The following PTPRD variants were observed in gnomAD, a reference collection of about 807,000 sequenced individuals.
PTPRD encodes the protein protein tyrosine phosphatase receptor type D, also known as receptor-type tyrosine-protein phosphatase delta.
In PTPRD, 34 loss-of-function variants were observed where a neutral mutation model predicts 214.5. The ratio of observed to expected loss-of-function variants is 0.16; its 90% CI spans 0.12 to 0.21. The LOEUF (loss-of-function observed/expected upper bound fraction) is 0.21, where lower values mean the gene tolerates loss of function less well. Ranked by LOEUF, PTPRD falls within the 10% of genes least tolerant of loss-of-function variation. The pLI is 1.00. For synonymous variants in PTPRD, 1,128 were observed against 845.7 expected (o/e 1.33, Z -5.79); for missense variants, 2,545 against 2,398.7 (o/e 1.06, Z -1.27).
chr9:8,403,418 A>C (rs749565344), intron 36 of PTPRD, among the ~76,000 whole-genome samples: 1 of 152,236 alleles, frequency 6.6e-6, no homozygotes, highest in Admixed American at 6.5e-5. Context: ...TGAACATGGC[A>C]TGTGCCAAGG....
chr9:9,514,943 G>A (rs1273641433), intron 8 of PTPRD, among the ~76,000 whole-genome samples: 2 of 152,064 alleles, frequency 1.3e-5, no homozygotes, highest in African/African-American at 4.8e-5. Flanking sequence ...CTAATCAGGG[G>A]CTGATTTGAG....
At chr9:9,858,944 C>T (rs186875879) in intron 5 of PTPRD, among the ~76,000 whole-genome samples, 10 of 152,246 alleles carry the variant, frequency 6.6e-5, no homozygotes, top group Non-Finnish European at 1.2e-4. Context: ...CATACTGATA[C>T]GGTTTGGCTC....
chr9:9,824,909 C>G (rs73641376), intron 5 of PTPRD, among the ~76,000 whole-genome samples: 6,212 of 152,002 alleles, frequency 0.041, 411 homozygotes, highest in African/African-American at 0.14. Context: ...TGAATTAAGA[C>G]AAAGCATATA....
At chr9:10,291,554 G>A (rs796633309) in intron 3 of PTPRD, among the ~76,000 whole-genome samples, 34 of 152,098 alleles carry the variant, frequency 2.2e-4, no homozygotes, top group African/African-American at 7.9e-4. Flanking sequence ...GATAGAAGCA[G>A]AGAGAGAGAC....
chr9:8,497,329 T>TTA lies in PTPRD; in HGVS notation c.2323-63_2323-62dup. 4.2e-6 allele frequency: 6 copies of TTA among 1,412,896 alleles called. No individual in the cohort carries two copies. The South Asian group carries it at 7.9e-5, about 19-fold the overall frequency. 87.5% of individuals were successfully genotyped at this position (1,412,896 alleles called of 1,614,324 possible). On this transcript the variant is annotated intron_variant, in intron 25 of 45. Transcript: ENST00000381196. ...ATAAAAAGAAAAAGAATTTAAAGCC[T>TTA]TATACAGGCAGTGTTGCCCTTGTTA...
chr9:8,655,886 T>C (rs2096899952), intron 12 of PTPRD, among the ~76,000 whole-genome samples: 1 of 152,166 alleles, frequency 6.6e-6, no homozygotes, highest in African/African-American at 2.4e-5. Context: ...AAACGTGCAG[T>C]TGCAATCAGG....
rs184505410 is a variant in PTPRD, at chr9:10,175,986, T to G, written c.-544-142196A>C. ...AGTAGAGTAACAATAGACATAAAACTAAACTGCAAATGGCTTGTTATTGTT... is the reference window on the plus strand; with the variant it reads ...AGTAGAGTAACAATAGACATAAAACGAAACTGCAAATGGCTTGTTATTGTT... On this transcript the variant is annotated intron_variant, in intron 3 of 45. Coordinates refer to ENST00000381196, the MANE Select transcript of PTPRD (RefSeq NM_002839.4). Among the ~76,000 whole-genome samples, 674 of 152,126 alleles carry G rather than the reference T, an allele frequency of 4.4e-3. 13 individuals carry two copies. Among genetic ancestry groups the G allele is most frequent in the African/African-American group, 0.015 (637 of 41,562 alleles).
chr9:9,884,530 G>T (rs2070061618), intron 5 of PTPRD, among the ~76,000 whole-genome samples: 1 of 152,046 alleles, frequency 6.6e-6, no homozygotes, highest in South Asian at 2.1e-4. Flanking sequence ...CAAAAGCTCT[G>T]GGAATAGATG....
chr9:10,273,293 A>G (rs1427902098), intron 3 of PTPRD, among the ~76,000 whole-genome samples: 1 of 152,118 alleles, frequency 6.6e-6, no homozygotes, highest in Non-Finnish European at 1.5e-5. Context: ...TTGCCACACC[A>G]TGGGGTACAT....
At chr9:10,041,486 T>C (rs1304210631) in intron 3 of PTPRD, among the ~76,000 whole-genome samples, 1 of 151,806 alleles carries the variant, frequency 6.6e-6, no homozygotes, top group African/African-American at 2.4e-5. Flanking sequence ...GAAATAAGCA[T>C]ATTATGTTTT....
chr9:8,881,956 T>A (rs1000099385), intron 11 of PTPRD, among the ~76,000 whole-genome samples: 1 of 152,114 alleles, frequency 6.6e-6, no homozygotes, highest in East Asian at 1.9e-4. Context: ...AAGAACCATG[T>A]TTTTTCCTGC....
At chr9:8,384,385 G>C (rs891116596) in intron 37 of PTPRD, among the ~76,000 whole-genome samples, 5 of 151,924 alleles carry the variant, frequency 3.3e-5, no homozygotes, top group Non-Finnish European at 7.4e-5. Flanking sequence ...GAGAGGATTT[G>C]GCAATAAAGA....
chr9:9,290,976 T>C (rs1397421282), intron 9 of PTPRD, among the ~76,000 whole-genome samples: 1 of 151,438 alleles, frequency 6.6e-6, no homozygotes, highest in Non-Finnish European at 1.5e-5. Flanking sequence ...AGATCTTAGT[T>C]ACCTAAGACC....
At chr9:9,331,714 C>T (rs1407542195) in intron 9 of PTPRD, among the ~76,000 whole-genome samples, 3 of 152,038 alleles carry the variant, frequency 2.0e-5, no homozygotes, top group Non-Finnish European at 2.9e-5. Context: ...CTTCTTGTTT[C>T]CTGCCTCCCA....
intron 4 of PTPRD, among the ~76,000 whole-genome samples, chr9:9,947,574 A>T (rs369232780): frequency 2.1e-5 from 1 of 47,536 alleles, no homozygotes; most frequent in Non-Finnish European, 3.4e-5. Flanking sequence ...TTATATATAT[A>T]TTATATATAT....
At chr9:10,031,647 T>TAC (rs1555494944) in intron 4 of PTPRD, among the ~76,000 whole-genome samples, 16 of 89,644 alleles carry the variant, frequency 1.8e-4, no homozygotes, top group Middle Eastern at 4.4e-3. Flanking sequence ...TATATATATA[T>TAC]ACACACACAC....
chr9:8,932,429 T>C (rs550500160), intron 11 of PTPRD, among the ~76,000 whole-genome samples: 17 of 152,318 alleles, frequency 1.1e-4, no homozygotes, highest in African/African-American at 3.8e-4. Context: ...CAGTAGTCAT[T>C]CAGGAGCAGG....
At chr9:10,397,502 T>A (rs879842529) in intron 2 of PTPRD, among the ~76,000 whole-genome samples, 1 of 152,128 alleles carries the variant, frequency 6.6e-6, no homozygotes, top group African/African-American at 2.4e-5. Flanking sequence ...CTAATCATAA[T>A]TGACACAGTT....
intron 33 of PTPRD, among the ~76,000 whole-genome samples, chr9:8,457,413 G>T (rs535242969): frequency 6.6e-6 from 1 of 152,088 alleles, no homozygotes; most frequent in Non-Finnish European, 1.5e-5. Context: ...ATTTTCTGAT[G>T]ATTCAGAGGG....
Sources: allele counts gnomAD v4.1 joint callset (sites outside exome capture counted in the v4.1 genomes callset), GRCh38; gene constraint gnomAD v4.1.1; transcripts MANE v1.5; gene names NCBI Gene and HGNC (gene_info 2026-07-23, HGNC 2026-07-21).